RIT2: variants seen among roughly 807,000 people sequenced by gnomAD.
RIT2 encodes Ras like without CAAX 2, also known as GTP-binding protein Rit2.
In RIT2, 24 loss-of-function variants were observed where a neutral mutation model predicts 23.7. That is an observed-to-expected ratio of 1.01 (90% CI 0.73 to 1.43). The LOEUF (loss-of-function observed/expected upper bound fraction) is 1.43, where lower values mean the gene tolerates loss of function less well. RIT2 is among the 40% of genes most tolerant of loss of function. The probability of loss-of-function intolerance (pLI) is 0.00; values close to 1 mark genes in which losing one functional copy is unlikely to be tolerated. For synonymous variants in RIT2, 107 were observed against 91.1 expected, an observed-to-expected ratio of 1.17 and a Z score of -0.99; for missense variants, 236 against 266.9, an observed-to-expected ratio of 0.88 and a Z score of 0.81.
At chr18:42,785,299 C>A (rs567198177) in intron 4 of RIT2, among the ~76,000 whole-genome samples, 5 of 151,948 alleles carry the variant, frequency 3.3e-5, no homozygotes, top group African/African-American at 4.8e-5. Flanking sequence ...TTTTTTCATT[C>A]GCTCTGTAGG....
intron 4 of RIT2, among the ~76,000 whole-genome samples, chr18:42,791,500 G>A (rs1914043002): frequency 6.6e-6 from 1 of 152,112 alleles, no homozygotes; most frequent in African/African-American, 2.4e-5. Context: ...CATTGCAGTA[G>A]CTTGTTGAGA....
intron 3 of RIT2, among the ~76,000 whole-genome samples, chr18:42,957,985 G>A (rs1205449372): frequency 6.6e-6 from 1 of 152,080 alleles, no homozygotes; most frequent in Non-Finnish European, 1.5e-5. Context: ...TGATCATTAA[G>A]ATTTTGAGAG....
chr18:42,976,679 TA>T (rs1910484829), intron 2 of RIT2, among the ~76,000 whole-genome samples: 1 of 152,028 alleles, frequency 6.6e-6, no homozygotes, highest in Non-Finnish European at 1.5e-5. Context: ...AAAAAACTAA[TA>T]AAGGATGAAT....
At chr18:42,971,274 G>T (rs1213597637) in intron 3 of RIT2, among the ~76,000 whole-genome samples, 2 of 151,970 alleles carry the variant, frequency 1.3e-5, no homozygotes, top group Non-Finnish European at 2.9e-5. Context: ...CTGAATGGAA[G>T]GATTTAATAA....
intron 3 of RIT2, among the ~76,000 whole-genome samples, chr18:42,965,067 G>A (rs1910183560): frequency 1.3e-5 from 2 of 152,120 alleles, no homozygotes; most frequent in Non-Finnish European, 2.9e-5. Context: ...TGGCTATGTT[G>A]CAAATGTCAT....
chr18:42,809,270 C>T (rs1905772424), intron 4 of RIT2, among the ~76,000 whole-genome samples: 5 of 152,060 alleles, frequency 3.3e-5, no homozygotes, highest in Admixed American at 2.6e-4. Context: ...GGTTAAAAGA[C>T]TTGACCAAAG....
chr18:43,073,636 G>A (rs1017573292), intron 1 of RIT2, among the ~76,000 whole-genome samples: 4 of 151,988 alleles, frequency 2.6e-5, no homozygotes, highest in Admixed American at 2.0e-4. Context: ...TGCAGATATC[G>A]TCATATGTGA....
intron 2 of RIT2, among the ~76,000 whole-genome samples, chr18:42,990,913 T>TTTTG (rs1555650886): frequency 3.9e-4 from 1 of 2,596 alleles, no homozygotes; most frequent in Non-Finnish European, 7.1e-3. Context: ...ACTGGTTTTG[T>TTTTG]TTTTTTTTTT....
intron 4 of RIT2, among the ~76,000 whole-genome samples, chr18:42,797,846 T>A (rs1598658259): frequency 6.6e-6 from 1 of 152,280 alleles, no homozygotes; most frequent in East Asian, 1.9e-4. Flanking sequence ...TAGAAAATAC[T>A]GAAATGGCAA....
chr18:42,799,877 CCTAGA>C (rs1163890692), intron 4 of RIT2, among the ~76,000 whole-genome samples: 3 of 152,198 alleles, frequency 2.0e-5, no homozygotes, highest in East Asian at 1.9e-4. Context: ...CTCAGAACCT[CCTAGA>C]CTAATCTAAT....
intron 2 of RIT2, among the ~76,000 whole-genome samples, chr18:43,025,842 CG>C (rs1568059541): frequency 6.6e-6 from 1 of 151,720 alleles, no homozygotes; most frequent in Admixed American, 6.6e-5. Flanking sequence ...GTGGGATGGT[CG>C]GGGGGTGTGA....
At chr18:42,775,296 C>T (rs1282819421) in intron 4 of RIT2, among the ~76,000 whole-genome samples, 2 of 152,012 alleles carry the variant, frequency 1.3e-5, no homozygotes, top group Non-Finnish European at 2.9e-5. Context: ...AATATTTTGG[C>T]CCAGAAGTGA....
At chr18:43,024,264 C>T (rs935393551) in intron 2 of RIT2, among the ~76,000 whole-genome samples, 5 of 151,938 alleles carry the variant, frequency 3.3e-5, no homozygotes, top group Admixed American at 6.6e-5. Flanking sequence ...ACACCTACAG[C>T]CAACTGATCT....
chr18:42,906,517 T>C (rs1908626676), intron 4 of RIT2, among the ~76,000 whole-genome samples: 1 of 152,140 alleles, frequency 6.6e-6, no homozygotes, highest in African/African-American at 2.4e-5. Flanking sequence ...GGAAACAGGG[T>C]AATTCTTAAT....
At chr18:43,027,947 C>G (rs1391839798) in intron 2 of RIT2, among the ~76,000 whole-genome samples, 4 of 152,064 alleles carry the variant, frequency 2.6e-5, no homozygotes, top group African/African-American at 9.7e-5. Flanking sequence ...CTCATGCATT[C>G]TTGTATTCCA....
At chr18:42,861,082 A>C (rs1907314777) in intron 4 of RIT2, among the ~76,000 whole-genome samples, 1 of 152,210 alleles carries the variant, frequency 6.6e-6, no homozygotes, top group African/African-American at 2.4e-5. Context: ...TAAGATTTAC[A>C]CCTGAGTATA....
chr18:42,882,714 G>A (rs1435679633), intron 4 of RIT2, among the ~76,000 whole-genome samples: 4 of 152,106 alleles, frequency 2.6e-5, no homozygotes, highest in African/African-American at 9.7e-5. Flanking sequence ...TGACAAATGG[G>A]GTAGTAGGAG....
chr18:42,913,878 A>G (rs1240968112), intron 4 of RIT2, among the ~76,000 whole-genome samples: 2 of 152,086 alleles, frequency 1.3e-5, no homozygotes, highest in East Asian at 3.9e-4. Context: ...ATAAGTATGT[A>G]GGGTAATGCA....
At chr18:42,771,852 T>C (rs193168939) in intron 4 of RIT2, among the ~76,000 whole-genome samples, 34 of 152,258 alleles carry the variant, frequency 2.2e-4, no homozygotes, top group Admixed American at 2.1e-3. Context: ...ACCTTTCAAG[T>C]GAGGCAGTAA....
Sources: gnomAD v4.1 joint callset for allele counts (sites outside exome capture counted in the v4.1 genomes callset) on GRCh38, gnomAD v4.1.1 for gene constraint, MANE v1.5 for transcripts, NCBI Gene and HGNC (gene_info 2026-07-23, HGNC 2026-07-21) for gene names.